PXN: variants seen among roughly 807,000 people sequenced by gnomAD.
PXN encodes paxillin.
A neutral mutation model predicts 103.6 loss-of-function variants in PXN; 61 were observed. The observed-to-expected ratio is 0.59, with a 90% CI of 0.48 to 0.73. The LOEUF is 0.73. Among genes scored for constraint, PXN ranks in the 30% least tolerant of loss-of-function variants. The pLI is 0.00. For missense variants in PXN, 1,274 were observed against 1,460.3 expected, an observed-to-expected ratio of 0.87 and a Z score of 2.08; for synonymous variants, 562 against 607.8, an observed-to-expected ratio of 0.92 and a Z score of 1.11.
intron 1 of PXN, among the ~76,000 whole-genome samples, chr12:120,262,631 A>G (rs1357215596): frequency 1.2e-4 from 18 of 152,166 alleles, no homozygotes; most frequent in Non-Finnish European, 1.5e-5. Context: ...TCTCCCATGA[A>G]GCGCACATGA....
chr12:120,241,447 C>T (rs1218014453), intron 1 of PXN, among the ~76,000 whole-genome samples: 1 of 152,236 alleles, frequency 6.6e-6, no homozygotes, highest in Admixed American at 6.5e-5. Flanking sequence ...CTCCAAGACC[C>T]TCCCTCCGAT....
Position 120,216,249 on chromosome 12 carries a change from G to T in PXN, c.2301+24C>A. On this transcript the variant is annotated intron_variant, in intron 9 of 14. Transcript: ENST00000637617. The surrounding 1 kb of genome is among the most constrained non-coding windows in gnomAD (Gnocchi z 5.1). ...CAGGCATTAGGACAGGGGACAGAAAGGGAGGGGCTCCTTTAAGGCCTGCCT... is the reference window on the plus strand; with the variant it reads ...CAGGCATTAGGACAGGGGACAGAAATGGAGGGGCTCCTTTAAGGCCTGCCT... 1 of 1,275,826 alleles carries T rather than the reference G, an allele frequency of 7.8e-7. No homozygotes were observed. 79.0% of individuals were successfully genotyped at this position (1,275,826 alleles called of 1,614,324 possible). A position where few individuals can be genotyped will look rare whatever the true frequency, so the allele number is the denominator to read the frequency against.
chr12:120,260,705 C>A (rs905077573), intron 1 of PXN, among the ~76,000 whole-genome samples: 30 of 152,176 alleles, frequency 2.0e-4, no homozygotes, highest in Non-Finnish European at 4.4e-5. Flanking sequence ...ATGGCTCATG[C>A]CTGTAATCCC....
intron 1 of PXN, among the ~76,000 whole-genome samples, chr12:120,239,855 C>T (rs1042041009): frequency 6.6e-6 from 1 of 151,710 alleles, no homozygotes; most frequent in East Asian, 1.9e-4. Context: ...TTCCCAGGAA[C>T]AGTCAGAAGA....
At chr12:120,255,525 C>G (rs1474200128) in intron 1 of PXN, among the ~76,000 whole-genome samples, 1 of 152,042 alleles carries the variant, frequency 6.6e-6, no homozygotes, top group Non-Finnish European at 1.5e-5. Context: ...GAAACCCCAT[C>G]TCTACTAAAA....
chr12:120,214,269 C>A lies in PXN; in HGVS notation c.2749-52G>T. 1 of 1,476,522 alleles carries A rather than the reference C, an allele frequency of 6.8e-7. No homozygotes were observed. Among genetic ancestry groups the A allele is most frequent in the Non-Finnish European group, 9.3e-7 (1 of 1,079,880 alleles). 91.5% of individuals were successfully genotyped at this position (1,476,522 alleles called of 1,614,324 possible). ...GCTGAGCTCTGGGCAGATCTCACAACTGAGACGCCCAGCAAGGCCGTCCTT... is the reference window on the plus strand; with the variant it reads ...GCTGAGCTCTGGGCAGATCTCACAAATGAGACGCCCAGCAAGGCCGTCCTT... On this transcript the variant is annotated intron_variant, in intron 12 of 14. Coordinates refer to ENST00000637617, the MANE Select transcript of PXN (RefSeq NM_001385981.1). This position sits in a 1 kb window ranked among gnomAD's most constrained non-coding sequence, Gnocchi z 5.0.
chr12:120,221,554 C>A lies in PXN; in HGVS notation c.831+69G>T. 6.8e-7 allele frequency: 1 copy of A among 1,480,896 alleles called. No homozygotes were observed. Among genetic ancestry groups the A allele is most frequent in the Non-Finnish European group, 9.1e-7 (1 of 1,100,826 alleles). 91.7% of individuals were successfully genotyped at this position (1,480,896 alleles called of 1,614,324 possible). A position where few individuals can be genotyped will look rare whatever the true frequency, so the allele number is the denominator to read the frequency against. ...AGATGCCAAGATCCAGCTACCCACA[C>A]TGAGGTAAGGGAGGAGAAGGATGAG... On this transcript the variant is annotated intron_variant, in intron 6 of 14. Coordinates refer to ENST00000637617, the MANE Select transcript of PXN (RefSeq NM_001385981.1). The surrounding 1 kb of genome is among the most constrained non-coding windows in gnomAD (Gnocchi z 6.6).
intron 1 of PXN, among the ~76,000 whole-genome samples, chr12:120,253,381 G>C (rs555075721): frequency 1.3e-5 from 2 of 152,228 alleles, no homozygotes; most frequent in South Asian, 4.1e-4. Context: ...GCTGAGACAG[G>C]AGAATTGCTT....
intron 1 of PXN, among the ~76,000 whole-genome samples, chr12:120,263,290 C>T (rs1894160735): frequency 6.6e-6 from 1 of 152,232 alleles, no homozygotes; most frequent in East Asian, 1.9e-4. Context: ...CTCCTGCACA[C>T]CCCATTCCTC....
In PXN at chr12:120,211,510, A is replaced by G. The variant is rs771201988; in HGVS notation, c.*804T>C. 1.6e-3 allele frequency: 281 copies of G among 174,198 alleles called. 7 individuals carry two copies. The highest frequency in any genetic ancestry group is 5.9e-4 in the Non-Finnish European group (47 of 79,854). 10.8% of individuals were successfully genotyped at this position (174,198 alleles called of 1,614,324 possible). A position where few individuals can be genotyped will look rare whatever the true frequency, so the allele number is the denominator to read the frequency against. On this transcript the variant is annotated 3_prime_UTR_variant, in exon 15 of 15. Coordinates refer to ENST00000637617, the MANE Select transcript of PXN (RefSeq NM_001385981.1). ...TGGCGGTGGATGAGGAAGAGAATAC[A>G]AAAGGGAACGTCTTTAAAATCTCTT...
chr12:120,224,805 C>T lies in PXN; in HGVS notation c.14-428G>A. The stretch of plus-strand genomic sequence containing the variant: ...GGGCCCTGGCTATGCCAGGCCCTCA[C>T]TTGATTTCTAAGAGCTTAGGCTTTC... On this transcript the variant is annotated intron_variant, in intron 1 of 14. Coordinates refer to ENST00000637617, the MANE Select transcript of PXN (RefSeq NM_001385981.1). This position sits in a 1 kb window ranked among gnomAD's most constrained non-coding sequence, Gnocchi z 5.0. 2.2e-6 allele frequency: 1 copy of T among 454,548 alleles called. No individual in the cohort carries two copies. The highest frequency in any genetic ancestry group is 4.4e-6 in the Non-Finnish European group (1 of 226,120). The allele number at this position is 454,548 out of a possible 1,614,324, so 28.2% of individuals were successfully genotyped here. A position where few individuals can be genotyped will look rare whatever the true frequency, so the allele number is the denominator to read the frequency against.
Position 120,214,155 on chromosome 12 carries a change from T to G in PXN, c.2811A>C (p.Gly937=). 1 of 1,552,508 alleles carries G rather than the reference T, an allele frequency of 6.4e-7. No individual in the cohort carries two copies. Among genetic ancestry groups the G allele is most frequent in the Non-Finnish European group, 8.7e-7 (1 of 1,147,594 alleles). ...HPEHFFCAQC[G]AFFGPEGFHE... ...CCGTACCTTCGGGACCAAAGAAGGC[T>G]CCACACTGTGCACAGAAGAAGTGTT... Residue 937 remains glycine (G), a synonymous_variant, in exon 13 of 15, where the codon GGA becomes GGC. Coordinates refer to ENST00000637617, the MANE Select transcript of PXN (RefSeq NM_001385981.1). This position sits in a 1 kb window ranked among gnomAD's most constrained non-coding sequence, Gnocchi z 5.0.
intron 1 of PXN, among the ~76,000 whole-genome samples, chr12:120,245,553 C>T (rs569978370): frequency 4.6e-5 from 7 of 151,490 alleles, no homozygotes; most frequent in African/African-American, 1.7e-4. Flanking sequence ...TTTGGGAGGC[C>T]GAGGTGGGTG....
At position 120,215,586 on chromosome 12, in the gene PXN, TGCTCCGCCCGCC is replaced by T. The variant is rs768507676; in HGVS notation, c.2365_2376del (p.Gly789_Ser792del). The T allele has an allele frequency of 6.2e-7, 1 of 1,606,624 alleles. No homozygotes were observed. Among genetic ancestry groups the T allele is most frequent in the Non-Finnish European group, 8.5e-7 (1 of 1,177,740 alleles). On this transcript the variant is annotated inframe_deletion, in exon 10 of 15. Transcript: ENST00000637617. The surrounding 1 kb of genome is among the most constrained non-coding windows in gnomAD (Gnocchi z 4.9). Reference sequence around the variant, plus strand: ...CCTCCCTCGTCCTGCCCTCCGGGGCTGCTCCGCCCGCCGTCCCGAGGCCAGCCGGCCGCCCAG... The same window carrying T: ...CCTCCCTCGTCCTGCCCTCCGGGGCTGTCCCGAGGCCAGCCGGCCGCCCAG...
chr12:120,226,896 A>G (rs1441929461), intron 1 of PXN: 8 of 992,898 alleles, frequency 8.1e-6, no homozygotes, highest in Non-Finnish European at 9.6e-6. Flanking sequence ...AGCTGCAGAC[A>G]TCAGTTGCAA....
chr12:120,263,089 CCT>C (rs980104007), intron 1 of PXN, among the ~76,000 whole-genome samples: 1 of 152,110 alleles, frequency 6.6e-6, no homozygotes, highest in Non-Finnish European at 1.5e-5. Flanking sequence ...TAAACTCTCC[CCT>C]GTGTTAGGGA....
At chr12:120,245,597 C>T (rs1890938692) in intron 1 of PXN, among the ~76,000 whole-genome samples, 1 of 151,666 alleles carries the variant, frequency 6.6e-6, no homozygotes, top group Non-Finnish European at 1.5e-5. Context: ...ACCATCCTGG[C>T]TAACACGGTG....
rs959985012 is a variant in PXN, at chr12:120,222,328, C to G, written c.695+221G>C. ...AGCCTGTGCTAAGAGCTGCTAAGCT[C>G]CAGGCGCCCTCAGCCTGCACAACGT... On this transcript the variant is annotated intron_variant, in intron 5 of 14. Coordinates refer to ENST00000637617, the MANE Select transcript of PXN (RefSeq NM_001385981.1). This position sits in a 1 kb window ranked among gnomAD's most constrained non-coding sequence, Gnocchi z 4.7. Among the ~76,000 whole-genome samples, 6 of 152,228 alleles carry G rather than the reference C, an allele frequency of 3.9e-5. No homozygotes were observed.
chr12:120,212,306 C>A lies in PXN; in HGVS notation c.*8G>T, dbSNP rs140367844. ...TGGGGAAGGGGGGCAGAGACAGGGG[C>A]AGGGCACCTAGCAGAAGAGCTTGAG... On this transcript the variant is annotated 3_prime_UTR_variant, in exon 15 of 15. Coordinates refer to ENST00000637617, the MANE Select transcript of PXN (RefSeq NM_001385981.1). This position sits in a 1 kb window ranked among gnomAD's most constrained non-coding sequence, Gnocchi z 7.2. 249 of 1,609,552 alleles carry A rather than the reference C, an allele frequency of 1.5e-4. No individual in the cohort carries two copies. Among genetic ancestry groups the A allele is most frequent in the Non-Finnish European group, 2.0e-4 (237 of 1,177,322 alleles).
Sources: gnomAD v4.1 joint callset for allele counts (sites outside exome capture counted in the v4.1 genomes callset) on GRCh38, gnomAD v4.1.1 for gene constraint, Gnocchi (gnomAD v3.1) non-coding constraint, MANE v1.5 for transcripts, NCBI Gene and HGNC (gene_info 2026-07-23, HGNC 2026-07-21) for gene names.